Variants in INPP4B observed in about 807,000 individuals in gnomAD.
The protein encoded by INPP4B is inositol polyphosphate-4-phosphatase type II B.
In INPP4B, 55 loss-of-function variants were observed where a neutral mutation model predicts 122.5. That is an observed-to-expected ratio of 0.45 (90% CI 0.36 to 0.56). The LOEUF is 0.56. Among genes scored for constraint, INPP4B ranks in the 20% least tolerant of loss-of-function variants. The probability of loss-of-function intolerance (pLI) is 0.00; values close to 1 mark genes in which losing one functional copy is unlikely to be tolerated. For missense variants in INPP4B, 1,000 were observed against 1,097.7 expected, an observed-to-expected ratio of 0.91 and a Z score of 1.26; for synonymous variants, 403 against 388.7, an observed-to-expected ratio of 1.04 and a Z score of -0.43.
At chr4:142,434,447 A>G (rs1385969747) in intron 3 of INPP4B, among the ~76,000 whole-genome samples, 1 of 152,180 alleles carries the variant, frequency 6.6e-6, no homozygotes. Context: ...CTGTGGAAAC[A>G]TTGAACTTTC....
At chr4:142,405,134 A>C in intron 6 of INPP4B, 72 bp downstream of exon 6, 1 of 836,180 alleles carries the variant, frequency 1.2e-6, no homozygotes, top group Non-Finnish European at 2.0e-6. Flanking sequence ...GGAGGGAGAG[A>C]GAGAGCAAGA....
At chr4:142,522,529 G>C (rs1417445697) in intron 2 of INPP4B, among the ~76,000 whole-genome samples, 1 of 151,774 alleles carries the variant, frequency 6.6e-6, no homozygotes, top group Non-Finnish European at 1.5e-5. Context: ...ATATTTCTTG[G>C]TTAATCTATC....
intron 5 of INPP4B, among the ~76,000 whole-genome samples, chr4:142,407,182 G>T (rs558589429): frequency 3.9e-5 from 6 of 152,244 alleles, no homozygotes; most frequent in Admixed American, 1.3e-4. Context: ...TAATTTTATT[G>T]CTCATAAAAT....
intron 2 of INPP4B, among the ~76,000 whole-genome samples, chr4:142,639,575 A>G (rs1038633144): frequency 6.6e-6 from 1 of 152,024 alleles, no homozygotes; most frequent in African/African-American, 2.4e-5. Context: ...TGACTCTGCC[A>G]CTTTGAAGAG....
Position 142,172,783 on chromosome 4 carries a change from T to A in INPP4B, c.1359+849A>T, listed in dbSNP as rs1259474744. On this transcript the variant is annotated intron_variant, in intron 16 of 25. Coordinates refer to ENST00000262992, the MANE Select transcript of INPP4B (RefSeq NM_001101669.3). ...TCAGAGAGGTGGAAAACTACACTTTTGTCTTACTCTACAATTACGAGAATT... is the reference window on the plus strand; with the variant it reads ...TCAGAGAGGTGGAAAACTACACTTTAGTCTTACTCTACAATTACGAGAATT... Among the ~76,000 whole-genome samples the A allele has an allele frequency of 2.6e-5, 4 of 152,100 alleles. No individual in the cohort carries two copies. In the East Asian group the frequency reaches 7.7e-4, roughly 29 times the overall value.
chr4:142,297,672 T>G (rs189426129), intron 9 of INPP4B, among the ~76,000 whole-genome samples: 1 of 152,348 alleles, frequency 6.6e-6, no homozygotes, highest in Admixed American at 6.5e-5. Context: ...TGCAAAACCA[T>G]GAGCCAATTA....
At chr4:142,257,373 G>A (rs1736830575) in intron 11 of INPP4B, among the ~76,000 whole-genome samples, 3 of 152,042 alleles carry the variant, frequency 2.0e-5, no homozygotes, top group Admixed American at 1.3e-4. Flanking sequence ...GGCAGGAGAA[G>A]GAAATAAAGG....
chr4:142,240,289 A>G (rs1858729280), intron 11 of INPP4B, among the ~76,000 whole-genome samples: 1 of 151,478 alleles, frequency 6.6e-6, no homozygotes, highest in Admixed American at 6.6e-5. Flanking sequence ...CTATCCGCCC[A>G]TTTCTGTCTC....
At chr4:142,586,845 C>T (rs912334367) in intron 2 of INPP4B, among the ~76,000 whole-genome samples, 1 of 151,916 alleles carries the variant, frequency 6.6e-6, no homozygotes, top group African/African-American at 2.4e-5. Flanking sequence ...TTTGAACTAG[C>T]CAGGAAAGAG....
chr4:142,399,697 T>A (rs2149116702), intron 7 of INPP4B, among the ~76,000 whole-genome samples: 1 of 152,316 alleles, frequency 6.6e-6, no homozygotes, highest in Middle Eastern at 3.4e-3. Flanking sequence ...TCTCATAGCC[T>A]AGCCATGGGC....
intron 9 of INPP4B, among the ~76,000 whole-genome samples, chr4:142,283,991 G>T (rs769269907): frequency 2.0e-5 from 3 of 152,122 alleles, no homozygotes; most frequent in Non-Finnish European, 2.9e-5. Context: ...TAGGTTTTGA[G>T]GAGTGAGCAA....
chr4:142,559,502 G>A (rs1026283973), intron 2 of INPP4B, among the ~76,000 whole-genome samples: 4 of 152,076 alleles, frequency 2.6e-5, no homozygotes, highest in African/African-American at 9.7e-5. Context: ...ACATGTAATA[G>A]CATATAACAT....
At position 142,154,076 on chromosome 4, in the gene INPP4B, T is replaced by C. The variant is rs953520; in HGVS notation, c.1563+6282A>G. On this transcript the variant is annotated intron_variant, in intron 17 of 25. Coordinates refer to ENST00000262992, the MANE Select transcript of INPP4B (RefSeq NM_001101669.3). ...GAGGATAGAACACATTCAGTTGCCA[T>C]ATAGGGAACAACTGGCCCCATTCTC... Among the ~76,000 whole-genome samples the C allele has an allele frequency of 2.9e-3, 446 of 152,200 alleles. 4 individuals carry two copies. The highest frequency in any genetic ancestry group is 6.9e-3 in the South Asian group (33 of 4,816).
chr4:142,628,768 T>C (rs1747203612), intron 2 of INPP4B, among the ~76,000 whole-genome samples: 1 of 152,032 alleles, frequency 6.6e-6, no homozygotes, highest in Non-Finnish European at 1.5e-5. Context: ...ATTCATTCTC[T>C]ATGACAGTTT....
Position 142,476,601 on chromosome 4 carries a change from A to G in INPP4B, c.-190-13875T>C, listed in dbSNP as rs1215088466. On this transcript the variant is annotated intron_variant, in intron 2 of 25. Transcript: ENST00000262992. ...ACATGCAGTGACACCCATAAGCTCA[A>G]AGAAAAGGGATGGAGAAATATCTAC... is the stretch of plus-strand genomic sequence containing the variant. Among the ~76,000 whole-genome samples the G allele has an allele frequency of 2.6e-5, 4 of 152,206 alleles. No homozygotes were observed. In the East Asian group the frequency reaches 7.7e-4, roughly 29 times the overall value.
Position 142,362,888 on chromosome 4 carries a change from A to T in INPP4B, c.372+40050T>A, listed in dbSNP as rs967770009. On this transcript the variant is annotated intron_variant, in intron 7 of 25. Coordinates refer to ENST00000262992, the MANE Select transcript of INPP4B (RefSeq NM_001101669.3). ...GCTGAAAAACTTCCTATTGGTTAGT[A>T]CGTTCACTATTTGGGTGACGGAATC... Among the ~76,000 whole-genome samples, 3 of 152,036 alleles carry T rather than the reference A, an allele frequency of 2.0e-5. No individual in the cohort carries two copies. The East Asian group carries it at 5.8e-4, about 29-fold the overall frequency.
At chr4:142,163,693 G>A (rs1821261187) in intron 16 of INPP4B, among the ~76,000 whole-genome samples, 1 of 151,738 alleles carries the variant, frequency 6.6e-6, no homozygotes, top group Admixed American at 6.6e-5. Context: ...AGTATATACA[G>A]GGCTTGGTAC....
intron 25 of INPP4B, among the ~76,000 whole-genome samples, chr4:142,050,428 CA>C (rs1226172027): frequency 6.6e-6 from 1 of 151,724 alleles, no homozygotes; most frequent in African/African-American, 2.4e-5. Context: ...TAATTAAAAA[CA>C]AAAAAGATTA....
At chr4:142,682,843 A>G (rs907843294) in intron 2 of INPP4B, among the ~76,000 whole-genome samples, 1 of 151,996 alleles carries the variant, frequency 6.6e-6, no homozygotes, top group African/African-American at 2.4e-5. Context: ...TTTGGCATCT[A>G]TAAGATATCC....
Sources: gnomAD v4.1 joint callset for allele counts (sites outside exome capture counted in the v4.1 genomes callset) on GRCh38, gnomAD v4.1.1 for gene constraint, MANE v1.5 for transcripts, NCBI Gene and HGNC (gene_info 2026-07-23, HGNC 2026-07-21) for gene names.